EPB41L3: variants seen among roughly 807,000 people sequenced by gnomAD.
EPB41L3 encodes the protein band 4.1-like protein 3.
A neutral mutation model predicts 127.1 loss-of-function variants in EPB41L3; 57 were observed. That is an observed-to-expected ratio of 0.45 (90% CI 0.36 to 0.56). The LOEUF (loss-of-function observed/expected upper bound fraction) is 0.56, where lower values mean the gene tolerates loss of function less well. EPB41L3 is among the 20% of genes least tolerant of loss of function. EPB41L3 has a pLI of 0.00. For synonymous variants in EPB41L3, 572 were observed against 549.5 expected, an observed-to-expected ratio of 1.04 and a Z score of -0.57; for missense variants, 1,273 against 1,372.2, an observed-to-expected ratio of 0.93 and a Z score of 1.14.
At chr18:5,590,409 G>A (rs36055965) in intron 3 of EPB41L3, among the ~76,000 whole-genome samples, 20,526 of 152,164 alleles carry the variant, frequency 0.13, 1,686 homozygotes, top group Non-Finnish European at 0.18. Context: ...AAGCAGTGGC[G>A]AGGATGCAGA....
intron 14 of EPB41L3, among the ~76,000 whole-genome samples, chr18:5,408,703 A>G (rs2075819542): frequency 6.6e-6 from 1 of 151,928 alleles, no homozygotes; most frequent in African/African-American, 2.4e-5. Context: ...GATTTCTTTT[A>G]AAGGTTTTAG....
At chr18:5,407,163 A>T (rs2075537381) in intron 15 of EPB41L3, 195 bp from the exon 16 acceptor site, 1 of 588,018 alleles carries the variant, frequency 1.7e-6, no homozygotes, top group African/African-American at 1.9e-5. Context: ...ACAGAAAAAA[A>T]AATCTAGTTC....
chr18:5,411,869 C>T (rs1452254517), intron 13 of EPB41L3, among the ~76,000 whole-genome samples: 1 of 152,176 alleles, frequency 6.6e-6, no homozygotes, highest in African/African-American at 2.4e-5. Context: ...GAAAGGGAGG[C>T]TGAACACATG....
At chr18:5,410,502 C>T in intron 14 of EPB41L3, 64 bp downstream of exon 14, 1 of 1,234,098 alleles carries the variant, frequency 8.1e-7, no homozygotes, top group African/African-American at 1.5e-5. Flanking sequence ...TTCTTAAACA[C>T]AGAGCCACCC....
chr18:5,598,985 G>A (rs2094563055), intron 3 of EPB41L3, among the ~76,000 whole-genome samples: 1 of 152,176 alleles, frequency 6.6e-6, no homozygotes, highest in Admixed American at 6.5e-5. Flanking sequence ...GAGAAGGAAA[G>A]AAGAGTTCAT....
rs534523390 is a variant in EPB41L3 at position 5,448,591 on chromosome 18, A to G, written c.382-3347T>C. Among the ~76,000 whole-genome samples, 4 of 152,322 alleles carry G rather than the reference A, an allele frequency of 2.6e-5. No individual in the cohort carries two copies. The South Asian group carries it at 6.2e-4, about 24-fold the overall frequency. On this transcript the variant is annotated intron_variant, in intron 3 of 22. Coordinates refer to ENST00000341928, the MANE Select transcript of EPB41L3 (RefSeq NM_012307.5). The stretch of plus-strand genomic sequence containing the variant: ...TGGTTACATGCTATACTATGAGTCA[A>G]GAACTGAGTATATTTTTTAAAAAAA...
Position 5,478,437 on chromosome 18 carries a change from ACCTGTG to A in EPB41L3, c.184-5_184del. 6.2e-7 allele frequency: 1 copy of A among 1,614,020 alleles called. No individual in the cohort carries two copies. The highest frequency in any genetic ancestry group is 8.5e-7 in the Non-Finnish European group (1 of 1,179,938). ...AGCAAACTCCTGTTCCTTGTCAGTG[ACCTGTG>A]AAGAGCAAACAATCAACAGTTTTCA... On this transcript the variant is annotated splice_acceptor_variant and splice_polypyrimidine_tract_variant and coding_sequence_variant and intron_variant, in exon 3 of 23. Transcript: ENST00000341928. LOFTEE classifies it high-confidence loss of function.
chr18:5,504,866 C>G (rs1254752409), intron 1 of EPB41L3, among the ~76,000 whole-genome samples: 2 of 152,254 alleles, frequency 1.3e-5, no homozygotes, highest in South Asian at 4.2e-4. Flanking sequence ...ACCCAATGAC[C>G]TGCAGTGCTC....
chr18:5,602,386 C>T lies in EPB41L3; in HGVS notation c.-306+9954G>A, dbSNP rs190194653. On this transcript the variant is annotated intron_variant, in intron 3 of 21. Coordinates refer to the EPB41L3 transcript ENST00000545076. The stretch of plus-strand genomic sequence containing the variant: ...GTGGCACAATACCAGGAAGGTGATG[C>T]TAATCCACTTGGAAGGATCAATAGG... 2.9e-3 allele frequency among the ~76,000 whole-genome samples: 436 copies of T among 152,314 alleles called. 3 individuals are homozygous for T. The highest frequency in any genetic ancestry group is 2.9e-3 in the Non-Finnish European group (196 of 68,020).
In EPB41L3 at chr18:5,499,284, C is replaced by T. The variant is rs1198382519; in HGVS notation, c.-11-10090G>A. Reference sequence around the variant, plus strand: ...TGCCTCCAATAACAGAGCTGTTTATCCCACACAAGTCATGTACATTGGTAT... The same window carrying T: ...TGCCTCCAATAACAGAGCTGTTTATTCCACACAAGTCATGTACATTGGTAT... On this transcript the variant is annotated intron_variant, in intron 1 of 22. Transcript: ENST00000341928. 4.6e-5 allele frequency among the ~76,000 whole-genome samples: 7 copies of T among 152,254 alleles called. 1 individual carries two copies. In the East Asian group the frequency reaches 1.4e-3, roughly 29 times the overall value.
rs571975438 is a variant in EPB41L3 at position 5,597,572 on chromosome 18, G to A, written c.-306+14768C>T. ...CATTATACATTAAACAATGAATTTT[G>A]TAAGAGATGAATATACAATATAAAA... On this transcript the variant is annotated intron_variant, in intron 3 of 21. Coordinates refer to the EPB41L3 transcript ENST00000545076. Among the ~76,000 whole-genome samples, 293 of 152,192 alleles carry A rather than the reference G, an allele frequency of 1.9e-3. 1 individual carries two copies. The highest frequency in any genetic ancestry group is 4.0e-3 in the Admixed American group (61 of 15,292).
At chr18:5,522,339 G>C (rs924481762) in intron 1 of EPB41L3, among the ~76,000 whole-genome samples, 1 of 152,072 alleles carries the variant, frequency 6.6e-6, no homozygotes, top group Non-Finnish European at 1.5e-5. Flanking sequence ...GGCCAGGCTG[G>C]TCTCAAGCTC....
At chr18:5,599,921 C>T (rs1599223859) in intron 3 of EPB41L3, among the ~76,000 whole-genome samples, 1 of 152,010 alleles carries the variant, frequency 6.6e-6, no homozygotes, top group Non-Finnish European at 1.5e-5. Context: ...GATATAAGCA[C>T]CAGAAACTCT....
At chr18:5,448,038 G>A (rs1375148901) in intron 3 of EPB41L3, among the ~76,000 whole-genome samples, 2 of 152,138 alleles carry the variant, frequency 1.3e-5, no homozygotes, top group African/African-American at 2.4e-5. Flanking sequence ...TATCAGCATG[G>A]CCACCAGCCA....
intron 1 of EPB41L3, among the ~76,000 whole-genome samples, chr18:5,534,780 G>A (rs550526267): frequency 6.6e-6 from 1 of 152,160 alleles, no homozygotes; most frequent in East Asian, 1.9e-4. Context: ...CATTAGACTG[G>A]TTCTAGATGT....
At chr18:5,530,073 T>A (rs896407710) in intron 1 of EPB41L3, among the ~76,000 whole-genome samples, 19 of 152,114 alleles carry the variant, frequency 1.2e-4, no homozygotes, top group African/African-American at 4.3e-4. Context: ...AAGTATTCAT[T>A]TTTCTCCATC....
chr18:5,624,026 G>C (rs80343628), intron 1 of EPB41L3, among the ~76,000 whole-genome samples: 3,858 of 151,960 alleles, frequency 0.025, 156 homozygotes, highest in African/African-American at 0.087. Flanking sequence ...TTTAAGAAAG[G>C]GTCTTGCTCT....
Position 5,561,091 on chromosome 18 carries a change from C to T in EPB41L3, c.-306+51249G>A, listed in dbSNP as rs1037980428. 4.0e-5 allele frequency among the ~76,000 whole-genome samples: 6 copies of T among 148,500 alleles called. 1 individual carries two copies. Among genetic ancestry groups the T allele is most frequent in the Non-Finnish European group, 9.0e-5 (6 of 66,876 alleles). ...CTCCCAGGTTCACGCCATTCTCCTG[C>T]CTCAGCCTCCCGAGTAGCTGGGACT... is the stretch of plus-strand genomic sequence containing the variant. On this transcript the variant is annotated intron_variant, in intron 3 of 21. Coordinates refer to the EPB41L3 transcript ENST00000545076.
chr18:5,400,271 T>C (rs1327947633), intron 16 of EPB41L3: 1 of 242,800 alleles, frequency 4.1e-6, no homozygotes. Context: ...TAATACAATA[T>C]GACCAGGTAG....
Sources: gnomAD v4.1 joint callset for allele counts (sites outside exome capture counted in the v4.1 genomes callset) on GRCh38, gnomAD v4.1.1 for gene constraint, MANE v1.5 for transcripts, NCBI Gene and HGNC (gene_info 2026-07-23, HGNC 2026-07-21) for gene names.